The following ATRNL1 variants were observed in gnomAD, a reference collection of about 807,000 sequenced individuals.
The protein encoded by ATRNL1 is attractin like 1.
In ATRNL1, 95 loss-of-function variants were observed where a neutral mutation model predicts 182.7. The ratio of observed to expected loss-of-function variants is 0.52; its 90% confidence interval spans 0.44 to 0.62. The LOEUF (loss-of-function observed/expected upper bound fraction) is 0.62, where lower values mean the gene tolerates loss of function less well. Among genes scored for constraint, ATRNL1 ranks in the 20% least tolerant of loss-of-function variants. The pLI, the probability that ATRNL1 is intolerant of heterozygous loss-of-function variation, is 0.00. For synonymous variants in ATRNL1, 576 were observed against 568.3 expected (o/e 1.01, Z -0.19); for missense variants, 1,471 against 1,679.5 (o/e 0.88, Z 2.17).
intron 13 of ATRNL1, among the ~76,000 whole-genome samples, chr10:115,269,963 T>G (rs1470015255): frequency 6.6e-6 from 1 of 152,014 alleles, no homozygotes; most frequent in Non-Finnish European, 1.5e-5. Flanking sequence ...TCATACATAC[T>G]CTGTTGTTAT....
At chr10:115,728,072 G>T (rs1555060968) in intron 27 of ATRNL1, among the ~76,000 whole-genome samples, 2 of 141,446 alleles carry the variant, frequency 1.4e-5, no homozygotes, top group Non-Finnish European at 3.0e-5. Context: ...TCAGGAGATC[G>T]CGACCATCCT....
At chr10:115,636,480 C>T (rs975048146) in intron 26 of ATRNL1, among the ~76,000 whole-genome samples, 1 of 152,170 alleles carries the variant, frequency 6.6e-6, no homozygotes, top group Non-Finnish European at 1.5e-5. Flanking sequence ...TCATTGGAAC[C>T]ACAGCCCACC....
intron 21 of ATRNL1, among the ~76,000 whole-genome samples, chr10:115,440,865 C>T (rs1180835693): frequency 6.6e-6 from 1 of 151,898 alleles, no homozygotes; most frequent in Non-Finnish European, 1.5e-5. Context: ...TCCTGCATTT[C>T]CTTTATAATA....
At chr10:115,744,958 C>T (rs2134105629) in intron 27 of ATRNL1, among the ~76,000 whole-genome samples, 1 of 152,104 alleles carries the variant, frequency 6.6e-6, no homozygotes, top group South Asian at 2.1e-4. Flanking sequence ...ATTCATACTC[C>T]ATCACTGTTT....
chr10:115,921,218 G>A (rs1469406072), intron 28 of ATRNL1, among the ~76,000 whole-genome samples: 3 of 152,088 alleles, frequency 2.0e-5, no homozygotes, highest in African/African-American at 7.2e-5. Flanking sequence ...GGAAGCTAGG[G>A]ACTAAAAGGG....
chr10:115,337,800 C>A (rs1304015059), intron 19 of ATRNL1, among the ~76,000 whole-genome samples: 1 of 152,126 alleles, frequency 6.6e-6, no homozygotes, highest in African/African-American at 2.4e-5. Flanking sequence ...GTTAATACAG[C>A]AGTCCCCAAC....
intron 24 of ATRNL1, among the ~76,000 whole-genome samples, chr10:115,482,805 G>T (rs1312308632): frequency 9.9e-5 from 15 of 151,142 alleles, no homozygotes; most frequent in Non-Finnish European, 7.4e-5. Flanking sequence ...ACTGAATGTT[G>T]TTAGTAACTA....
chr10:115,315,495 T>G (rs782159714), intron 17 of ATRNL1, 23 bp from the exon 18 acceptor site: 3 of 1,528,810 alleles, frequency 2.0e-6, no homozygotes, highest in Non-Finnish European at 9.0e-7. Context: ...GTTAACATAT[T>G]TGTCAATGTT....
intron 21 of ATRNL1, among the ~76,000 whole-genome samples, chr10:115,458,925 G>C (rs1554969225): frequency 6.6e-6 from 1 of 152,136 alleles, no homozygotes; most frequent in Non-Finnish European, 1.5e-5. Context: ...ACCCCAAATG[G>C]AGGGACCGGC....
At chr10:115,277,887 T>G (rs1554915334) in intron 13 of ATRNL1, among the ~76,000 whole-genome samples, 1 of 152,152 alleles carries the variant, frequency 6.6e-6, no homozygotes, top group African/African-American at 2.4e-5. Flanking sequence ...AAAATAAAAC[T>G]TTTGCAGATT....
chr10:115,355,768 T>A (rs1281772996), intron 19 of ATRNL1, among the ~76,000 whole-genome samples: 3 of 152,132 alleles, frequency 2.0e-5, no homozygotes, highest in Non-Finnish European at 4.4e-5. Flanking sequence ...TTTCCTTTAA[T>A]ATTACATTTG....
chr10:115,549,873 G>A lies in ATRNL1; in HGVS notation c.3795+337G>A, dbSNP rs151337723. On this transcript the variant is annotated intron_variant, in intron 26 of 28. Coordinates refer to ENST00000355044, the MANE Select transcript of ATRNL1 (RefSeq NM_207303.4). ...AAGACATACTTTATTTTTCATAAGC[G>A]TCTGTTGAAATTTAAAATTCTGAGT... Among the ~76,000 whole-genome samples the A allele has an allele frequency of 2.9e-3, 445 of 151,846 alleles. 4 individuals are homozygous for A. Among genetic ancestry groups the A allele is most frequent in the African/African-American group, 9.4e-3 (390 of 41,494 alleles).
At chr10:115,742,072 T>C (rs1555067807) in intron 27 of ATRNL1, among the ~76,000 whole-genome samples, 1 of 152,152 alleles carries the variant, frequency 6.6e-6, no homozygotes, top group African/African-American at 2.4e-5. Flanking sequence ...ATTGGTGGCT[T>C]TTGAGGAAGT....
intron 25 of ATRNL1, among the ~76,000 whole-genome samples, chr10:115,539,239 C>G (rs577311688): frequency 1.3e-5 from 2 of 149,490 alleles, no homozygotes; most frequent in Non-Finnish European, 3.0e-5. Context: ...TGTGGATATC[C>G]TGTTGTTACA....
At chr10:115,390,626 A>G (rs888711764) in intron 19 of ATRNL1, among the ~76,000 whole-genome samples, 24 of 152,202 alleles carry the variant, frequency 1.6e-4, no homozygotes, top group African/African-American at 4.6e-4. Flanking sequence ...TGATGCCTTC[A>G]GTTTTATTCT....
intron 26 of ATRNL1, among the ~76,000 whole-genome samples, chr10:115,668,898 G>A (rs1297617337): frequency 2.0e-5 from 3 of 151,892 alleles, no homozygotes; most frequent in South Asian, 2.1e-4. Context: ...TTTCAGGATC[G>A]AGGATTTTAA....
chr10:115,681,061 A>G (rs536591024), intron 26 of ATRNL1, among the ~76,000 whole-genome samples: 131 of 152,232 alleles, frequency 8.6e-4, no homozygotes, highest in Middle Eastern at 3.4e-3. Context: ...TTTTTAAACT[A>G]TCAAAATTTA....
intron 15 of ATRNL1, among the ~76,000 whole-genome samples, chr10:115,291,851 GTA>G (rs1381533115): frequency 7.0e-6 from 1 of 142,594 alleles, no homozygotes; most frequent in African/African-American, 2.6e-5. Flanking sequence ...TCTGGTTTTG[GTA>G]TCAGTGTTAT....
intron 9 of ATRNL1, among the ~76,000 whole-genome samples, chr10:115,221,195 G>T (rs941619139): frequency 7.9e-5 from 12 of 152,214 alleles, no homozygotes; most frequent in Admixed American, 7.8e-4. Context: ...AAAGACAGAT[G>T]AAGCTGTGTT....
Sources: allele counts gnomAD v4.1 joint callset (sites outside exome capture counted in the v4.1 genomes callset), GRCh38; gene constraint gnomAD v4.1.1; transcripts MANE v1.5; gene names NCBI Gene and HGNC (gene_info 2026-07-23, HGNC 2026-07-21).